The following STARD3NL variants were observed in gnomAD, a reference collection of about 807,000 sequenced individuals.
STARD3NL encodes the protein STARD3 N-terminal-like protein.
A neutral mutation model predicts 30.9 loss-of-function variants in STARD3NL; 17 were observed. That is an observed-to-expected ratio of 0.55 (90% confidence interval 0.38 to 0.82). The LOEUF is 0.82. Ranked by LOEUF, STARD3NL falls within the 40% of genes least tolerant of loss-of-function variation. STARD3NL has a pLI of 0.00. For missense variants in STARD3NL, 234 were observed against 277.6 expected, an observed-to-expected ratio of 0.84 and a Z score of 1.12; for synonymous variants, 112 against 100.5, an observed-to-expected ratio of 1.11 and a Z score of -0.69.
intron 1 of STARD3NL, among the ~76,000 whole-genome samples, chr7:38,206,567 G>A (rs1387131645): frequency 6.6e-6 from 1 of 152,254 alleles, no homozygotes; most frequent in East Asian, 1.9e-4. Context: ...CTGCATCTCT[G>A]TATAGGACTA....
intron 1 of STARD3NL, among the ~76,000 whole-genome samples, chr7:38,198,717 TCTC>T (rs1456200876): frequency 2.6e-5 from 4 of 152,172 alleles, no homozygotes; most frequent in African/African-American, 9.6e-5. Context: ...GTCTCTCTCT[TCTC>T]CTCCTAGGAA....
chr7:38,221,471 C>A (rs76378027), intron 7 of STARD3NL, among the ~76,000 whole-genome samples: 32,368 of 151,948 alleles, frequency 0.21, 3,509 homozygotes, highest in Non-Finnish European at 0.22. Context: ...TGCTAAGTGC[C>A]TCCACTCTGT....
chr7:38,227,853 C>T (rs1786870280), intron 7 of STARD3NL, among the ~76,000 whole-genome samples: 1 of 151,920 alleles, frequency 6.6e-6, no homozygotes, highest in Non-Finnish European at 1.5e-5. Flanking sequence ...TCATTGTGCC[C>T]ATGCTGCCTA....
At chr7:38,224,844 A>C (rs1423743880) in intron 7 of STARD3NL, among the ~76,000 whole-genome samples, 1 of 152,202 alleles carries the variant, frequency 6.6e-6, no homozygotes, top group African/African-American at 2.4e-5. Flanking sequence ...AAAAAAAAAC[A>C]TATGCTGAAC....
At chr7:38,187,016 A>G (rs1406969940) in intron 1 of STARD3NL, among the ~76,000 whole-genome samples, 1 of 149,682 alleles carries the variant, frequency 6.7e-6, no homozygotes. Flanking sequence ...GCTACCTGAC[A>G]GCAGCTTCTA....
intron 1 of STARD3NL, among the ~76,000 whole-genome samples, chr7:38,192,954 A>G (rs561742549): frequency 1.3e-5 from 2 of 150,064 alleles, no homozygotes; most frequent in South Asian, 4.2e-4. Context: ...GTTTTTTTTT[A>G]TGTCAGGGAT....
chr7:38,228,414 C>G (rs1786907887), intron 7 of STARD3NL, among the ~76,000 whole-genome samples: 1 of 152,126 alleles, frequency 6.6e-6, no homozygotes, highest in Admixed American at 6.5e-5. Context: ...TCTGCCACAG[C>G]CATTGTTAGA....
At chr7:38,220,943 AAAAAGAAAAG>A (rs139671679) in intron 7 of STARD3NL, among the ~76,000 whole-genome samples, 45,238 of 150,948 alleles carry the variant, frequency 0.3, 7,147 homozygotes, top group Middle Eastern at 0.39. Context: ...GTCTCTATTA[AAAAAGAAAAG>A]AAAAGAAAAG....
rs781709509 is a variant in STARD3NL at position 38,219,647 on chromosome 7, T to C, written c.636T>C (p.Pro212=). 27 of 1,612,162 alleles carry C rather than the reference T, an allele frequency of 1.7e-5. No individual in the cohort carries two copies. In the South Asian group the frequency reaches 3.0e-4, roughly 18 times the overall value. The stretch of plus-strand genomic sequence containing the variant: ...CTGATGGTCAGTTTTATTCCCCTCC[T>C]GAATCCGAAGCAGGTAAAAAACTTG... ...GLSDGQFYSP[P]ESEAGSEEAE... Residue 212 remains proline (P), a synonymous_variant, in exon 7 of 9, where the codon CCT becomes CCC. Transcript: ENST00000009041.
intron 6 of STARD3NL, among the ~76,000 whole-genome samples, chr7:38,218,713 T>G (rs2116370558): frequency 6.6e-6 from 1 of 152,262 alleles, no homozygotes; most frequent in East Asian, 1.9e-4. Context: ...ATCCTGAGGT[T>G]AACTCAGCTT....
Position 38,223,173 on chromosome 7 carries a change from A to G in STARD3NL, c.649+3513A>G, listed in dbSNP as rs1331922498. ...AAAAGGGAAAGAAATAGGAGGCACC[A>G]TAAACAAAAATGTTAGCATTTTTCC... is the stretch of plus-strand genomic sequence containing the variant. On this transcript the variant is annotated intron_variant, in intron 7 of 8. Coordinates refer to ENST00000009041, the MANE Select transcript of STARD3NL (RefSeq NM_032016.4). Among the ~76,000 whole-genome samples, 3 of 152,246 alleles carry G rather than the reference A, an allele frequency of 2.0e-5. No homozygotes were observed. The East Asian group carries it at 5.8e-4, about 29-fold the overall frequency.
intron 1 of STARD3NL, among the ~76,000 whole-genome samples, chr7:38,185,775 G>C (rs534351838): frequency 1.7e-4 from 26 of 152,198 alleles, no homozygotes; most frequent in Non-Finnish European, 3.5e-4. Flanking sequence ...TGTATAGAAA[G>C]ATAGGTCTGG....
chr7:38,204,064 TAGAC>T (rs1261953458), intron 1 of STARD3NL, among the ~76,000 whole-genome samples: 1 of 152,090 alleles, frequency 6.6e-6, no homozygotes, highest in Non-Finnish European at 1.5e-5. Context: ...CTGTCAACAT[TAGAC>T]AGATCAACGA....
chr7:38,185,639 T>C (rs994640886), intron 1 of STARD3NL, among the ~76,000 whole-genome samples: 6 of 152,214 alleles, frequency 3.9e-5, no homozygotes, highest in Non-Finnish European at 7.3e-5. Context: ...GGAACACTTA[T>C]CTCCCGCATT....
At position 38,195,067 on chromosome 7, in the gene STARD3NL, A is replaced by G. The variant is rs941058086; in HGVS notation, c.-58-12380A>G. Among the ~76,000 whole-genome samples the G allele has an allele frequency of 4.5e-4, 69 of 151,998 alleles. 1 individual carries two copies. The highest frequency in any genetic ancestry group is 8.4e-4 in the Non-Finnish European group (57 of 67,994). The stretch of plus-strand genomic sequence containing the variant: ...TGGTGAATATTAAGCCTAATTTTAT[A>G]TATATATTTGGACTGAGTCTTGCTC... On this transcript the variant is annotated intron_variant, in intron 1 of 8. Transcript: ENST00000009041.
intron 1 of STARD3NL, among the ~76,000 whole-genome samples, chr7:38,204,418 A>C (rs989908278): frequency 1.8e-4 from 28 of 152,224 alleles, no homozygotes; most frequent in African/African-American, 6.3e-4. Context: ...GCAGAAATAA[A>C]GATGCTCTTT....
intron 1 of STARD3NL, among the ~76,000 whole-genome samples, chr7:38,200,808 C>T (rs1785140290): frequency 6.6e-6 from 1 of 152,094 alleles, no homozygotes. Context: ...GGGAGTAGAG[C>T]CTGTCAACTT....
chr7:38,199,151 C>T (rs944030768), intron 1 of STARD3NL, among the ~76,000 whole-genome samples: 2 of 152,224 alleles, frequency 1.3e-5, no homozygotes, highest in Non-Finnish European at 2.9e-5. Context: ...ATACTTCCCA[C>T]ACAGTTGGGA....
chr7:38,209,651 C>T (rs891856241), intron 2 of STARD3NL, among the ~76,000 whole-genome samples: 5 of 152,126 alleles, frequency 3.3e-5, no homozygotes, highest in Non-Finnish European at 4.4e-5. Context: ...TTTATTTTAA[C>T]GTCAACAGCA....
Sources: gnomAD v4.1 joint callset for allele counts (sites outside exome capture counted in the v4.1 genomes callset) on GRCh38, gnomAD v4.1.1 for gene constraint, MANE v1.5 for transcripts, NCBI Gene and HGNC (gene_info 2026-07-23, HGNC 2026-07-21) for gene names.